The following TENM2 variants were observed in gnomAD, a reference collection of about 807,000 sequenced individuals.
TENM2 encodes teneurin-2.
Under a neutral mutation model 245.2 loss-of-function variants are expected in TENM2, and 52 were observed. That is an observed-to-expected ratio of 0.21 (90% CI 0.17 to 0.27). The LOEUF (loss-of-function observed/expected upper bound fraction) is 0.27. Among genes scored for constraint, TENM2 ranks in the 10% least tolerant of loss-of-function variants. The pLI is 1.00. For missense variants in TENM2, 3,046 were observed against 3,666.8 expected (o/e 0.83, Z 4.37); for synonymous variants, 1,363 against 1,438.9 (o/e 0.95, Z 1.19).
chr5:167,392,105 T>C (rs1761793005), intron 2 of TENM2, among the ~76,000 whole-genome samples: 2 of 152,096 alleles, frequency 1.3e-5, no homozygotes, highest in Non-Finnish European at 2.9e-5. Flanking sequence ...ACCCACAGTC[T>C]TTTTTCCTTT....
chr5:167,304,879 A>G (rs1053487041), intron 1 of TENM2, among the ~76,000 whole-genome samples: 21 of 152,186 alleles, frequency 1.4e-4, no homozygotes, highest in Admixed American at 9.8e-4. Flanking sequence ...ATAGGAAGTT[A>G]TAAACATACC....
chr5:167,226,021 G>A, the TENM2 span, among the ~76,000 whole-genome samples: 1 of 151,574 alleles, frequency 6.6e-6, no homozygotes, highest in Admixed American at 6.6e-5. Context: ...CATCCTTTTT[G>A]ATTTATGATT....
Position 168,247,473 on chromosome 5 carries a change from A to C in TENM2, c.6534A>C (p.Gln2178His). The C allele has an allele frequency of 1.9e-6, 3 of 1,612,598 alleles. No individual in the cohort carries two copies. Among genetic ancestry groups the C allele is most frequent in the Non-Finnish European group, 2.5e-6 (3 of 1,178,900 alleles). Residue 2178 changes from glutamine (Q) to histidine (H), a missense_variant, in exon 27 of 29, where the codon CAA (glutamine) becomes CAC (histidine). By Grantham distance (24) the Gln-to-His change is conservative (BLOSUM62 0). Around this residue, in one of 2 missense-constraint regions of TENM2, gnomAD observed 2,704 missense variants for 3,331.9 expected, o/e 0.81. Coordinates refer to ENST00000518659, the Ensembl canonical transcript of TENM2. This position sits in a 1 kb window ranked among gnomAD's most constrained non-coding sequence, Gnocchi z 7.8. Reference sequence around the variant, plus strand: ...CCCTCATGTACTGGATGACGGTGCAATATGACAGCATGGGCAGGGTGATCA... The same window carrying C: ...CCCTCATGTACTGGATGACGGTGCACTATGACAGCATGGGCAGGGTGATCA...
intron 4 of TENM2, among the ~76,000 whole-genome samples, chr5:167,972,917 G>T (rs1446923269): frequency 6.6e-6 from 1 of 152,094 alleles, no homozygotes; most frequent in Non-Finnish European, 1.5e-5. Context: ...ACTCCCCTTG[G>T]TTCTAGCTGT....
chr5:167,789,607 G>T (rs1489690558), intron 2 of TENM2, among the ~76,000 whole-genome samples: 1 of 152,168 alleles, frequency 6.6e-6, no homozygotes, highest in African/African-American at 2.4e-5. Flanking sequence ...AGTCATTTGG[G>T]TTGGTTTTCT....
intron 9 of TENM2, among the ~76,000 whole-genome samples, chr5:168,103,387 T>C (rs961027830): frequency 5.3e-5 from 8 of 152,150 alleles, no homozygotes; most frequent in African/African-American, 1.7e-4. Context: ...TTTACAGACT[T>C]TTCCTAACTT....
intron 5 of TENM2, among the ~76,000 whole-genome samples, chr5:168,046,119 C>T (rs1481686285): frequency 6.6e-6 from 1 of 152,172 alleles, no homozygotes; most frequent in Non-Finnish European, 1.5e-5. Context: ...CATCTGTGGC[C>T]ATCAATCTGA....
intron 1 of TENM2, among the ~76,000 whole-genome samples, chr5:167,295,039 T>C (rs1444359251): frequency 2.6e-5 from 4 of 152,220 alleles, no homozygotes; most frequent in African/African-American, 7.2e-5. Context: ...TCAGCATACA[T>C]AGCACATGGA....
intron 1 of TENM2, among the ~76,000 whole-genome samples, chr5:167,321,058 G>T (rs780598102): frequency 9.9e-5 from 15 of 152,088 alleles, no homozygotes; most frequent in Non-Finnish European, 2.1e-4. Flanking sequence ...TAGAGCCCCT[G>T]AAATAAATTC....
intron 2 of TENM2, among the ~76,000 whole-genome samples, chr5:167,792,033 G>A (rs77152600): frequency 2.4e-3 from 359 of 152,242 alleles, no homozygotes; most frequent in Non-Finnish European, 4.1e-3. Flanking sequence ...TTTTCCTGTG[G>A]TAAAGAGGAG....
chr5:167,402,494 TAG>T (rs1425306132), intron 2 of TENM2, among the ~76,000 whole-genome samples: 3 of 152,134 alleles, frequency 2.0e-5, no homozygotes, highest in African/African-American at 7.2e-5. Flanking sequence ...TGGATATATT[TAG>T]AGTTTTGAGA....
chr5:167,974,874 T>C (rs1266650136), intron 4 of TENM2, among the ~76,000 whole-genome samples: 1 of 152,146 alleles, frequency 6.6e-6, no homozygotes, highest in Non-Finnish European at 1.5e-5. Context: ...CTCTTCCCCC[T>C]CCTTCCTCAC....
At chr5:167,859,678 A>T (rs1227018292) in intron 2 of TENM2, among the ~76,000 whole-genome samples, 1 of 91,786 alleles carries the variant, frequency 1.1e-5, no homozygotes, top group South Asian at 5.0e-4. Flanking sequence ...AGCCGCCCCT[A>T]CTGGGAAGTG....
At chr5:168,017,455 C>A (rs936314228) in intron 5 of TENM2, among the ~76,000 whole-genome samples, 8 of 152,160 alleles carry the variant, frequency 5.3e-5, no homozygotes, top group African/African-American at 1.9e-4. Flanking sequence ...TGAGAAGTGA[C>A]CTGAGTTCCA....
intron 2 of TENM2, among the ~76,000 whole-genome samples, chr5:167,750,166 T>C (rs751184464): frequency 6.6e-6 from 1 of 152,114 alleles, no homozygotes; most frequent in African/African-American, 2.4e-5. Context: ...GATTAAACGA[T>C]GAACTGAGTG....
At chr5:167,227,969 G>A in the TENM2 span, among the ~76,000 whole-genome samples, 1 of 151,388 alleles carries the variant, frequency 6.6e-6, no homozygotes, top group African/African-American at 2.4e-5. Flanking sequence ...CTTTATTTCT[G>A]TCTGACTGGG....
At chr5:168,017,663 A>G (rs17069620) in intron 5 of TENM2, among the ~76,000 whole-genome samples, 23,027 of 152,112 alleles carry the variant, frequency 0.15, 1,957 homozygotes, top group Admixed American at 0.26. Flanking sequence ...CTCAAGGCCC[A>G]TTTTCTTGCA....
intron 2 of TENM2, among the ~76,000 whole-genome samples, chr5:167,853,225 G>C (rs1373597135): frequency 1.5e-5 from 2 of 135,818 alleles, no homozygotes; most frequent in Non-Finnish European, 3.1e-5. Flanking sequence ...GGGAGGTGGA[G>C]CTTGCAGTGA....
chr5:167,881,467 G>A lies in TENM2; in HGVS notation c.712+5272G>A, dbSNP rs184284689. 2.4e-3 allele frequency among the ~76,000 whole-genome samples: 371 copies of A among 152,272 alleles called. 1 individual carries two copies. Among genetic ancestry groups the A allele is most frequent in the Non-Finnish European group, 4.3e-3 (293 of 68,018 alleles). On this transcript the variant is annotated intron_variant, in intron 3 of 28. Coordinates refer to ENST00000518659, the Ensembl canonical transcript of TENM2. ...GTGACAGATTCATAGTAGACACTCCGTAAGTATTTGTTAAATAAATGAATG... is the reference window on the plus strand; with the variant it reads ...GTGACAGATTCATAGTAGACACTCCATAAGTATTTGTTAAATAAATGAATG...
Sources: gnomAD v4.1 joint callset for allele counts (sites outside exome capture counted in the v4.1 genomes callset) on GRCh38, gnomAD v4.1.1 for gene constraint, gnomAD v4.1.1 regional missense constraint, Gnocchi (gnomAD v3.1) non-coding constraint, MANE v1.5 for transcripts, NCBI Gene and HGNC (gene_info 2026-07-23, HGNC 2026-07-21) for gene names.